The following TENM4 variants were observed in gnomAD, a reference collection of about 807,000 sequenced individuals.
The protein encoded by TENM4 is teneurin transmembrane protein 4.
Under a neutral mutation model 243.3 loss-of-function variants are expected in TENM4, and 82 were observed. The observed-to-expected ratio is 0.34, with a 90% CI of 0.28 to 0.40. The LOEUF (loss-of-function observed/expected upper bound fraction) is 0.40, where lower values mean the gene tolerates loss of function less well. Among genes scored for constraint, TENM4 ranks in the 10% least tolerant of loss-of-function variants. The pLI is 1.00. For synonymous variants in TENM4, 1,412 were observed against 1,456.3 expected, an observed-to-expected ratio of 0.97 and a Z score of 0.69; for missense variants, 3,138 against 3,673.3, an observed-to-expected ratio of 0.85 and a Z score of 3.77.
chr11:78,806,434 C>T (rs75884725), intron 14 of TENM4, among the ~76,000 whole-genome samples: 1,853 of 152,334 alleles, frequency 0.012, 55 homozygotes, highest in African/African-American at 0.043. Flanking sequence ...CCAGGCAGCC[C>T]TTTAGTGCTC....
intron 1 of TENM4, among the ~76,000 whole-genome samples, chr11:79,369,385 T>G (rs1321363609): frequency 6.6e-6 from 1 of 152,208 alleles, no homozygotes; most frequent in Non-Finnish European, 1.5e-5. Context: ...GCATTACATT[T>G]CAGCATGATT....
rs1328188008 is a variant in TENM4 at position 79,370,804 on chromosome 11, AAAAAAG to A, written c.-321+69699_-321+69704del. 4.3e-3 allele frequency among the ~76,000 whole-genome samples: 607 copies of A among 141,160 alleles called. 13 individuals are homozygous for A. The highest frequency in any genetic ancestry group is 0.023 in the Admixed American group (322 of 14,064). 92.6% of individuals were successfully genotyped at this position (141,160 alleles called of 152,430 possible). On this transcript the variant is annotated intron_variant, in intron 1 of 33. Coordinates refer to ENST00000278550, the MANE Select transcript of TENM4 (RefSeq NM_001098816.3). ...TAAAAAAAAAAAAAAAAAAAAAAAA[AAAAAAG>A]TGATAAATTTGGTAATCCCAGAATT...
chr11:79,395,149 C>G (rs1858316650), intron 1 of TENM4, among the ~76,000 whole-genome samples: 1 of 152,194 alleles, frequency 6.6e-6, no homozygotes, highest in African/African-American at 2.4e-5. Flanking sequence ...AACAGATGAG[C>G]CAAGTGTTGC....
intron 24 of TENM4, among the ~76,000 whole-genome samples, chr11:78,722,445 C>A (rs774397924): frequency 2.6e-5 from 4 of 152,172 alleles, no homozygotes; most frequent in African/African-American, 7.2e-5. Context: ...CACAGATGTA[C>A]TCTGGATGCC....
At chr11:79,403,474 C>G (rs1450437239) in intron 1 of TENM4, among the ~76,000 whole-genome samples, 2 of 152,158 alleles carry the variant, frequency 1.3e-5, no homozygotes, top group Admixed American at 6.5e-5. Flanking sequence ...GAGGCTTACT[C>G]TAAGGAAGGG....
chr11:79,432,389 T>A (rs956357997), intron 1 of TENM4, among the ~76,000 whole-genome samples: 1 of 152,228 alleles, frequency 6.6e-6, no homozygotes, highest in African/African-American at 2.4e-5. Flanking sequence ...TGCACATTAA[T>A]AAAACGTTTA....
chr11:79,366,121 A>G (rs1431093629), intron 1 of TENM4, among the ~76,000 whole-genome samples: 1 of 152,108 alleles, frequency 6.6e-6, no homozygotes. Context: ...CTCTGTGGCC[A>G]TTTTATAGGT....
intron 6 of TENM4, among the ~76,000 whole-genome samples, chr11:79,002,950 C>T (rs1015139975): frequency 6.6e-6 from 1 of 152,114 alleles, no homozygotes; most frequent in East Asian, 1.9e-4. Flanking sequence ...TAAGAAAGAA[C>T]CAAACTGATC....
intron 3 of TENM4, among the ~76,000 whole-genome samples, chr11:79,162,991 G>A (rs1026490820): frequency 6.6e-6 from 1 of 152,230 alleles, no homozygotes; most frequent in African/African-American, 2.4e-5. Flanking sequence ...GGGAAAGCAG[G>A]TTGCACATAC....
At chr11:78,666,329 G>A (rs1456515691) in intron 32 of TENM4, among the ~76,000 whole-genome samples, 1 of 152,156 alleles carries the variant, frequency 6.6e-6, no homozygotes, top group African/African-American at 2.4e-5. Context: ...GAAAATGAGT[G>A]CATCACACTT....
At chr11:79,231,100 A>T (rs112539983) in intron 2 of TENM4, among the ~76,000 whole-genome samples, 2,355 of 152,360 alleles carry the variant, frequency 0.015, 52 homozygotes, top group African/African-American at 0.05. Flanking sequence ...ATAATTCTGC[A>T]TAACATAAAA....
intron 1 of TENM4, among the ~76,000 whole-genome samples, chr11:79,325,511 A>G (rs1232575822): frequency 6.6e-6 from 1 of 152,188 alleles, no homozygotes; most frequent in East Asian, 1.9e-4. Context: ...TAGCTGTGTG[A>G]GCATGTGAGC....
intron 3 of TENM4, among the ~76,000 whole-genome samples, chr11:79,154,497 C>T (rs1213961281): frequency 6.6e-6 from 1 of 152,118 alleles, no homozygotes; most frequent in East Asian, 1.9e-4. Flanking sequence ...AACATCCAAA[C>T]CATACCACTC....
intron 6 of TENM4, among the ~76,000 whole-genome samples, chr11:78,998,371 A>G (rs2136691709): frequency 6.6e-6 from 1 of 152,358 alleles, no homozygotes; most frequent in Non-Finnish European, 1.5e-5. Flanking sequence ...CGTTGTTAGA[A>G]TCAAAAGAGA....
At chr11:78,722,029 C>G (rs1213191079) in intron 24 of TENM4, among the ~76,000 whole-genome samples, 2 of 152,146 alleles carry the variant, frequency 1.3e-5, no homozygotes, top group Non-Finnish European at 2.9e-5. Context: ...GAGGCTGACT[C>G]AGCTGCTTCT....
At chr11:79,190,218 A>G (rs1863452774) in intron 3 of TENM4, among the ~76,000 whole-genome samples, 2 of 152,164 alleles carry the variant, frequency 1.3e-5, no homozygotes, top group African/African-American at 2.4e-5. Flanking sequence ...TTTCGCTTAG[A>G]CACAAACTCC....
At chr11:79,098,833 C>G (rs963571943) in intron 4 of TENM4, among the ~76,000 whole-genome samples, 4 of 152,118 alleles carry the variant, frequency 2.6e-5, no homozygotes, top group Non-Finnish European at 5.9e-5. Flanking sequence ...GTGAAAGGAA[C>G]GTGGTATTGC....
intron 6 of TENM4, among the ~76,000 whole-genome samples, chr11:78,999,130 CA>C (rs1422408253): frequency 6.6e-6 from 1 of 152,036 alleles, no homozygotes; most frequent in Non-Finnish European, 1.5e-5. Flanking sequence ...TGAAAAGTGA[CA>C]AGAAAAAAAT....
At chr11:79,066,871 A>G (rs558165595) in intron 5 of TENM4, among the ~76,000 whole-genome samples, 1 of 152,324 alleles carries the variant, frequency 6.6e-6, no homozygotes, top group African/African-American at 2.4e-5. Flanking sequence ...GCAAGCTGCT[A>G]TGCTAGGCTG....
Sources: allele counts gnomAD v4.1 joint callset (sites outside exome capture counted in the v4.1 genomes callset), GRCh38; gene constraint gnomAD v4.1.1; transcripts MANE v1.5; gene names NCBI Gene and HGNC (gene_info 2026-07-23, HGNC 2026-07-21).